The following SPG11 variants were observed in gnomAD, a reference collection of about 807,000 sequenced individuals.
The protein encoded by SPG11 is SPG11 vesicle trafficking associated, spatacsin, also known as spatacsin.
In SPG11, 222 loss-of-function variants were observed where a neutral mutation model predicts 274.0. That is an observed-to-expected ratio of 0.81 (90% CI 0.73 to 0.91). The LOEUF (loss-of-function observed/expected upper bound fraction) is 0.91. SPG11 is among the 40% of genes least tolerant of loss of function. The pLI is 0.00. For synonymous variants in SPG11, 1,144 were observed against 1,039.7 expected (o/e 1.10, Z -1.93); for missense variants, 3,114 against 2,872.7 (o/e 1.08, Z -1.92).
chr15:44,633,607 C>G lies in SPG11; in HGVS notation c.1633G>C (p.Val545Leu), dbSNP rs1313250943. The change falls in exon 8 of 40, where the codon GTA becomes CTA. Residue 545 changes from valine (V) to leucine (L), a missense_variant. By Grantham distance (32) the Val-to-Leu change is conservative. Coordinates refer to ENST00000261866, the MANE Select transcript of SPG11 (RefSeq NM_025137.4). Reference protein sequence around the residue: ...AGIENRQLDTVNFFLKSKENL... With the variant: ...AGIENRQLDTLNFFLKSKENL... ...TCCTTGCTCTTCAAAAAGAAATTTA[C>G]TGTGTCCAGCTGACGATTTTCTATC... 1 of 1,613,432 alleles carries G rather than the reference C, an allele frequency of 6.2e-7. No homozygotes were observed. The highest frequency in any genetic ancestry group is 1.7e-5 in the Admixed American group (1 of 59,944).
chr15:44,663,606 G>A lies in SPG11; in HGVS notation c.42C>T (p.Gly14=), dbSNP rs376542524. 1.9e-6 allele frequency: 3 copies of A among 1,595,896 alleles called. No individual in the cohort carries two copies. In the South Asian group the frequency reaches 3.4e-5, roughly 18 times the overall value. Residue 14 remains glycine, a synonymous_variant, in exon 1 of 40, where the codon GGC becomes GGT. Transcript: ENST00000261866. The part of the protein sequence containing the change: ...EEGVASAASA[G]GSWGTAAMGR... Reference sequence around the variant, plus strand: ...CCATGGCCGCGGTGCCCCAGCTACCGCCGGCGGAAGCAGCACTCGCGACCC... The same window carrying A: ...CCATGGCCGCGGTGCCCCAGCTACCACCGGCGGAAGCAGCACTCGCGACCC...
At position 44,651,919 on chromosome 15, in the gene SPG11, G is replaced by A. The variant is rs2084792703; in HGVS notation, c.1028C>T (p.Ser343Leu). Reference protein sequence around the residue: ...QIDRSWKAQLSSLNETIKNSK... With the variant: ...QIDRSWKAQLLSLNETIKNSK... ...GTTCTTTATTGTTTCATTCAATGATGATAGCTGGGCTTTCCAAGACCTGGA... is the reference window on the plus strand; with the variant it reads ...GTTCTTTATTGTTTCATTCAATGATAATAGCTGGGCTTTCCAAGACCTGGA... The change falls in exon 6 of 40, where the codon TCA becomes TTA. Residue 343 changes from serine (S) to leucine (L), a missense_variant. Transcript: ENST00000261866. The A allele has an allele frequency of 1.2e-6, 2 of 1,611,622 alleles. No individual in the cohort carries two copies. The highest frequency in any genetic ancestry group is 2.2e-5 in the South Asian group (2 of 90,704).
At chr15:44,619,176 C>T (rs2083671540) in intron 15 of SPG11, among the ~76,000 whole-genome samples, 5 of 152,130 alleles carry the variant, frequency 3.3e-5, no homozygotes, top group Admixed American at 2.6e-4. Flanking sequence ...CACTTAACGT[C>T]CCTGGATCTG....
intron 6 of SPG11, among the ~76,000 whole-genome samples, chr15:44,650,192 G>A (rs1247207372): frequency 6.6e-6 from 1 of 152,134 alleles, no homozygotes; most frequent in African/African-American, 2.4e-5. Context: ...AAAGCAGGTA[G>A]TGAGAAAAGT....
chr15:44,642,731 G>T (rs1283018898), intron 7 of SPG11, among the ~76,000 whole-genome samples: 1 of 151,676 alleles, frequency 6.6e-6, no homozygotes, highest in South Asian at 2.1e-4. Flanking sequence ...TTATCTGGGT[G>T]CAGTTGTATA....
In SPG11 at chr15:44,595,320, C is replaced by T; in HGVS notation, c.4574G>A (p.Arg1525Lys). 3.7e-6 allele frequency: 6 copies of T among 1,614,236 alleles called. No homozygotes were observed. In the South Asian group the frequency reaches 6.6e-5, roughly 18 times the overall value. The change falls in exon 26 of 40, where the codon AGA becomes AAA. Residue 1525 changes from arginine to lysine, a missense_variant. Coordinates refer to ENST00000261866, the MANE Select transcript of SPG11 (RefSeq NM_025137.4). ...GCTCTTTTGTCTTGTTAATAATGTT[C>T]TCCAGATGACTGAAAGATCCTCAAG... The part of the protein sequence containing the change: ...WNLEDLSVIW[R>K]TLLTRQKSKT...
At chr15:44,628,427 T>C (rs2083963903) in intron 10 of SPG11, among the ~76,000 whole-genome samples, 1 of 152,212 alleles carries the variant, frequency 6.6e-6, no homozygotes, top group Non-Finnish European at 1.5e-5. Flanking sequence ...TGTTTGTTAC[T>C]GAACCCAAGT....
chr15:44,617,478 G>T (rs1408034315), intron 15 of SPG11, among the ~76,000 whole-genome samples: 1 of 152,106 alleles, frequency 6.6e-6, no homozygotes, highest in Admixed American at 6.5e-5. Flanking sequence ...TCAAAAAGAT[G>T]GTTCTTTCTC....
intron 8 of SPG11, among the ~76,000 whole-genome samples, chr15:44,631,564 G>A (rs1393828115): frequency 6.6e-6 from 1 of 151,800 alleles, no homozygotes; most frequent in Admixed American, 6.6e-5. Context: ...AAAGAAAAAA[G>A]AGCATATTAG....
At chr15:44,588,009 C>T (rs1241138437) in intron 28 of SPG11, among the ~76,000 whole-genome samples, 1 of 152,102 alleles carries the variant, frequency 6.6e-6, no homozygotes, top group East Asian at 1.9e-4. Context: ...GGAAACACCT[C>T]TTTTTCCTTT....
chr15:44,590,114 T>C (rs1884645637), intron 27 of SPG11, among the ~76,000 whole-genome samples: 1 of 152,194 alleles, frequency 6.6e-6, no homozygotes, highest in Admixed American at 6.5e-5. Context: ...GCCTAGCAAC[T>C]TCTTTAAAGA....
At position 44,583,920 on chromosome 15, in the gene SPG11, C is replaced by T. The variant is rs2082704261; in HGVS notation, c.5760G>A (p.Gly1920=). Residue 1920 remains glycine (G), a synonymous_variant, in exon 30 of 40, where the codon GGG becomes GGA. Coordinates refer to ENST00000261866, the MANE Select transcript of SPG11 (RefSeq NM_025137.4). ...GGTGCAGATCCTCCATACTAGCTTCCCCTGAGGCCAGTGCTCTGCAGTGCA... is the reference window on the plus strand; with the variant it reads ...GGTGCAGATCCTCCATACTAGCTTCTCCTGAGGCCAGTGCTCTGCAGTGCA... ...LVLHCRALAS[G]EASMEDLHPE... 6.2e-7 allele frequency: 1 copy of T among 1,614,162 alleles called. No individual in the cohort carries two copies. Among genetic ancestry groups the T allele is most frequent in the Non-Finnish European group, 8.5e-7 (1 of 1,180,026 alleles).
At chr15:44,655,302 T>C (rs1271598444) in intron 4 of SPG11, among the ~76,000 whole-genome samples, 1 of 152,228 alleles carries the variant, frequency 6.6e-6, no homozygotes, top group Non-Finnish European at 1.5e-5. Flanking sequence ...TGATTTCTTG[T>C]GGTTCTCATG....
At chr15:44,591,023 T>TC (rs2082887420) in intron 27 of SPG11, 1 of 152,236 alleles carries the variant, frequency 6.6e-6, no homozygotes, top group African/African-American at 2.4e-5. Context: ...ATTACTGCTA[T>TC]CTTCTTACCT....
intron 26 of SPG11, 144 bp downstream of exon 26, chr15:44,595,115 C>T (rs1385225713): frequency 3.6e-6 from 3 of 834,052 alleles, no homozygotes; most frequent in South Asian, 1.5e-5. Context: ...CTGCGCCTGG[C>T]CAGTAAGTGG....
In SPG11 at chr15:44,600,343, G is replaced by A. The variant is rs2083153013; in HGVS notation, c.3686+124C>T. 8.8e-6 allele frequency: 9 copies of A among 1,017,350 alleles called. No homozygotes were observed. In the South Asian group the frequency reaches 1.2e-4, roughly 13 times the overall value. 63.0% of individuals were successfully genotyped at this position (1,017,350 alleles called of 1,614,324 possible). A position where few individuals can be genotyped will look rare whatever the true frequency, so the allele number is the denominator to read the frequency against. Reference sequence around the variant, plus strand: ...ACTGTCACCCAGGCTAGAGTGCAGTGGCATGACCATAGCTCACTGCTTCCT... The same window carrying A: ...ACTGTCACCCAGGCTAGAGTGCAGTAGCATGACCATAGCTCACTGCTTCCT... On this transcript the variant is annotated intron_variant, in intron 21 of 39. Transcript: ENST00000261866.
At chr15:44,596,017 T>G in intron 25 of SPG11, 66 bp downstream of exon 25, 1 of 1,596,876 alleles carries the variant, frequency 6.3e-7, no homozygotes. Flanking sequence ...TATCAGCCTT[T>G]CCTGTCCCTC....
At chr15:44,565,769 T>C (rs960366910) in intron 38 of SPG11, 85 bp downstream of exon 38, 47 of 1,550,708 alleles carry the variant, frequency 3.0e-5, no homozygotes, top group Non-Finnish European at 7.1e-6. Context: ...TCACTAGCCC[T>C]GAGACCTTAC....
At chr15:44,587,718 A>AAAAAAAAAAAAAAAAAAAAAAC (rs1567141736) in intron 28 of SPG11, among the ~76,000 whole-genome samples, 1 of 148,638 alleles carries the variant, frequency 6.7e-6, no homozygotes, top group African/African-American at 2.6e-5. Flanking sequence ...AAAAAAAAAA[A>AAAAAAAAAAAAAAAAAAAAAAC]AACGTATTCC....
Sources: gnomAD v4.1 joint callset for allele counts (sites outside exome capture counted in the v4.1 genomes callset) on GRCh38, gnomAD v4.1.1 for gene constraint, MANE v1.5 for transcripts, NCBI Gene and HGNC (gene_info 2026-07-23, HGNC 2026-07-21) for gene names.